Variants in DNAH10 observed in about 807,000 individuals in gnomAD.
The protein encoded by DNAH10 is dynein axonemal heavy chain 10.
Under a neutral mutation model 506.6 loss-of-function variants are expected in DNAH10, and 348 were observed. The ratio of observed to expected loss-of-function variants is 0.69; its 90% confidence interval spans 0.63 to 0.75. The LOEUF (loss-of-function observed/expected upper bound fraction) is 0.75. DNAH10 is among the 30% of genes least tolerant of loss of function. The pLI is 0.00. For synonymous variants in DNAH10, 2,059 were observed against 2,198.6 expected (o/e 0.94, Z 1.78); for missense variants, 5,179 against 5,787.1 (o/e 0.89, Z 3.41).
intron 45 of DNAH10, among the ~76,000 whole-genome samples, 193 bp from the exon 46 acceptor site, chr12:123,873,365 A>G (rs1952113543): frequency 6.6e-6 from 1 of 152,238 alleles, no homozygotes; most frequent in African/African-American, 2.4e-5. Context: ...GACTCATACA[A>G]TCTGCTGAAA....
intron 5 of DNAH10, among the ~76,000 whole-genome samples, chr12:123,777,678 T>C (rs1413388403): frequency 1.3e-5 from 2 of 152,174 alleles, no homozygotes; most frequent in African/African-American, 2.4e-5. Flanking sequence ...CAGCGTCTCA[T>C]TCTGCCACCT....
intron 18 of DNAH10, among the ~76,000 whole-genome samples, chr12:123,805,776 T>C (rs1040812008): frequency 1.3e-5 from 2 of 149,950 alleles, no homozygotes; most frequent in African/African-American, 2.4e-5. Flanking sequence ...TTCTTTTCTT[T>C]TTTTTTTTTT....
chr12:123,833,802 A>G (rs970367704), intron 27 of DNAH10, among the ~76,000 whole-genome samples: 3 of 151,608 alleles, frequency 2.0e-5, no homozygotes, highest in Non-Finnish European at 4.4e-5. Context: ...TCTCACATGT[A>G]GTTTTTTTCT....
chr12:123,811,720 G>A (rs1034795479), intron 19 of DNAH10, among the ~76,000 whole-genome samples: 5 of 152,070 alleles, frequency 3.3e-5, no homozygotes, highest in Non-Finnish European at 2.9e-5. Context: ...AGCCAGGATG[G>A]TCTCAATCTC....
intron 27 of DNAH10, among the ~76,000 whole-genome samples, chr12:123,834,699 T>TGGCAA (rs1960948720): frequency 6.6e-6 from 1 of 152,220 alleles, no homozygotes; most frequent in Admixed American, 6.5e-5. Context: ...CCCCAGCACC[T>TGGCAA]GGCAACCTCC....
At chr12:123,778,336 G>A (rs1957519410) in intron 5 of DNAH10, among the ~76,000 whole-genome samples, 1 of 152,324 alleles carries the variant, frequency 6.6e-6, no homozygotes, top group Non-Finnish European at 1.5e-5. Flanking sequence ...GCTCATGCCA[G>A]CCACAGATGG....
chr12:123,830,733 C>A, intron 26 of DNAH10, 34 bp downstream of exon 26: 1 of 1,544,828 alleles, frequency 6.5e-7, no homozygotes, highest in Non-Finnish European at 8.7e-7. Flanking sequence ...CTGGAGAAAA[C>A]AGTCTTTTTT....
chr12:123,915,932 G>A (rs985481216), intron 62 of DNAH10, among the ~76,000 whole-genome samples: 1 of 151,822 alleles, frequency 6.6e-6, no homozygotes, highest in Non-Finnish European at 1.5e-5. Context: ...CTGAGCTAAT[G>A]AACAAATTAA....
chr12:123,770,881 G>A (rs1392839694), intron 2 of DNAH10, among the ~76,000 whole-genome samples: 26 of 151,740 alleles, frequency 1.7e-4, no homozygotes, highest in Admixed American at 1.4e-3. Context: ...AGACAGGTGC[G>A]TCATTTCATT....
intron 52 of DNAH10, among the ~76,000 whole-genome samples, chr12:123,889,962 T>G (rs1355451979): frequency 3.3e-5 from 5 of 152,106 alleles, no homozygotes; most frequent in Non-Finnish European, 7.4e-5. Context: ...CTCAGCTGCT[T>G]CTCTCTTGTG....
intron 60 of DNAH10, among the ~76,000 whole-genome samples, chr12:123,914,117 C>T (rs1954354296): frequency 6.6e-6 from 1 of 152,200 alleles, no homozygotes; most frequent in African/African-American, 2.4e-5. Context: ...GAGCCCCCTG[C>T]TTGATGCTGG....
intron 30 of DNAH10, among the ~76,000 whole-genome samples, chr12:123,844,536 T>C (rs547970355): frequency 6.6e-6 from 1 of 152,308 alleles, no homozygotes; most frequent in East Asian, 1.9e-4. Flanking sequence ...GAGGATGAGA[T>C]GTTTTGTTTC....
chr12:123,800,725 T>A (rs930132339), intron 15 of DNAH10, among the ~76,000 whole-genome samples: 1 of 148,104 alleles, frequency 6.8e-6, no homozygotes, highest in African/African-American at 2.5e-5. Flanking sequence ...CTAAGAAAAG[T>A]TTAAAATATG....
chr12:123,783,306 T>C, intron 7 of DNAH10, 42 bp downstream of exon 7: 1 of 1,604,576 alleles, frequency 6.2e-7, no homozygotes, highest in Non-Finnish European at 8.5e-7. Flanking sequence ...ATCCAGGTCA[T>C]GCTTACCATG....
intron 29 of DNAH10, among the ~76,000 whole-genome samples, chr12:123,840,755 C>T (rs77362442): frequency 0.039 from 5,937 of 152,142 alleles, 341 homozygotes; most frequent in African/African-American, 0.13. Flanking sequence ...GACTCATTGT[C>T]CTAAATGTTA....
Position 123,933,368 on chromosome 12 carries a change from G to A in DNAH10, c.13334G>A (p.Gly4445Glu), listed in dbSNP as rs1412522025. ...GAGCCCAGCGTGATGTGGCTCTCGG[G>A]GCTGCACATCCCTGAGTCCTACCTC... ...ESEPSVMWLS[G>E]LHIPESYLTA... The change falls in exon 77 of 79, where the codon GGG becomes GAG. Residue 4445 changes from glycine (G) to glutamate (E), a missense_variant. By Grantham distance (98) the Gly-to-Glu change is moderately conservative. Coordinates refer to ENST00000673944, the MANE Select transcript of DNAH10 (RefSeq NM_001372106.1). 3.1e-6 allele frequency: 5 copies of A among 1,606,254 alleles called. No individual in the cohort carries two copies. The Admixed American group carries it at 6.7e-5, about 22-fold the overall frequency.
In DNAH10 at chr12:123,913,057, C is replaced by A; in HGVS notation, c.10135-41C>A. On this transcript the variant is annotated intron_variant, in intron 59 of 78. Transcript: ENST00000673944. The surrounding 1 kb of genome is among the most constrained non-coding windows in gnomAD (Gnocchi z 5.1). ...AGGCCATGGGATCGCGGCCCCACCA[C>A]GGTCCTTTTCCCCATCTTTTTGCAA... The A allele has an allele frequency of 6.4e-7, 1 of 1,560,412 alleles. No individual in the cohort carries two copies. The highest frequency in any genetic ancestry group is 1.2e-5 in the South Asian group (1 of 84,590).
intron 37 of DNAH10, among the ~76,000 whole-genome samples, chr12:123,858,771 G>A (rs531951260): frequency 1.4e-4 from 21 of 152,276 alleles, no homozygotes; most frequent in East Asian, 3.9e-4. Context: ...AATGCAGCAC[G>A]CGTGCTACAA....
Position 123,767,671 on chromosome 12 carries a change from TC to T in DNAH10, c.282del (p.Val95TrpfsTer11). ...EEETYSQKVE[S>X]VDKVRAKRVS... is the part of the protein sequence containing the mutation. ...AGAGACTTATTCTCAAAAAGTGGAG[TC>T]CGTGGATAAAGTGCGAGGTGTGGAG... On this transcript the variant is annotated frameshift_variant, in exon 2 of 79. Coordinates refer to ENST00000673944, the MANE Select transcript of DNAH10 (RefSeq NM_001372106.1). LOFTEE classifies it high-confidence loss of function. The T allele has an allele frequency of 1.2e-6, 2 of 1,611,612 alleles. No homozygotes were observed. The highest frequency in any genetic ancestry group is 1.7e-5 in the Admixed American group (1 of 59,762).
Sources: gnomAD v4.1 joint callset for allele counts (sites outside exome capture counted in the v4.1 genomes callset) on GRCh38, gnomAD v4.1.1 for gene constraint, Gnocchi (gnomAD v3.1) non-coding constraint, MANE v1.5 for transcripts, NCBI Gene and HGNC (gene_info 2026-07-23, HGNC 2026-07-21) for gene names.